GABRB3: variants seen among roughly 807,000 people sequenced by gnomAD.
GABRB3 encodes gamma-aminobutyric acid type A receptor subunit beta3, also known as gamma-aminobutyric acid receptor subunit beta-3.
Under a neutral mutation model 52.1 loss-of-function variants are expected in GABRB3, and 14 were observed. The observed-to-expected ratio is 0.27, with a 90% CI of 0.18 to 0.42. The LOEUF is 0.42. GABRB3 is among the 10% of genes least tolerant of loss of function. The probability of loss-of-function intolerance (pLI) is 1.00; values close to 1 mark genes in which losing one functional copy is unlikely to be tolerated. For missense variants in GABRB3, 307 were observed against 609.1 expected, an observed-to-expected ratio of 0.50 and a Z score of 5.22; for synonymous variants, 260 against 232.3, an observed-to-expected ratio of 1.12 and a Z score of -1.08.
intron 3 of GABRB3, among the ~76,000 whole-genome samples, chr15:26,682,131 T>C (rs534241881): frequency 6.6e-5 from 10 of 152,264 alleles, no homozygotes; most frequent in African/African-American, 2.2e-4. Flanking sequence ...CTGGTGCTAA[T>C]GTCTGACCGT....
intron 3 of GABRB3, among the ~76,000 whole-genome samples, chr15:26,674,687 T>C (rs1374749782): frequency 6.6e-6 from 1 of 152,110 alleles, no homozygotes; most frequent in East Asian, 1.9e-4. Context: ...CCACAAGGCC[T>C]CTCTGGGGAA....
chr15:26,576,418 C>A lies in GABRB3; in HGVS notation c.682+3901G>T, dbSNP rs543026686. On this transcript the variant is annotated intron_variant, in intron 6 of 8. Transcript: ENST00000311550. ...TTTTTACGCTCATGTATTAGTAGTG[C>A]AAATTAAATAAGAATTACATATCAA... Among the ~76,000 whole-genome samples, 4 of 151,956 alleles carry A rather than the reference C, an allele frequency of 2.6e-5. No individual in the cohort carries two copies. In the East Asian group the frequency reaches 7.8e-4, roughly 30 times the overall value.
At chr15:26,752,615 A>G (rs1487253334) in intron 3 of GABRB3, among the ~76,000 whole-genome samples, 1 of 152,250 alleles carries the variant, frequency 6.6e-6, no homozygotes, top group South Asian at 2.1e-4. Flanking sequence ...ATGAATAAAA[A>G]CTGTACATAT....
intron 3 of GABRB3, among the ~76,000 whole-genome samples, chr15:26,634,984 A>AAATATATATATATATATATATATATAT (rs1893011911): frequency 1.4e-4 from 1 of 7,186 alleles, no homozygotes; most frequent in African/African-American, 2.5e-4. Flanking sequence ...ATGTATCTCT[A>AAATATATATATATATATATATATATAT]AATATATATA....
At chr15:26,624,684 T>C (rs1388292735) in intron 3 of GABRB3, 5 of 984,314 alleles carry the variant, frequency 5.1e-6, no homozygotes, top group Non-Finnish European at 6.0e-6. Context: ...ACCCGCTGCA[T>C]GTGATCAGCC....
At chr15:26,716,330 C>T (rs962712118) in intron 3 of GABRB3, among the ~76,000 whole-genome samples, 1 of 152,224 alleles carries the variant, frequency 6.6e-6, no homozygotes, top group Non-Finnish European at 1.5e-5. Flanking sequence ...CCTGATGTAG[C>T]TGATGATGCT....
chr15:26,578,223 T>C (rs1890662333), intron 6 of GABRB3, among the ~76,000 whole-genome samples: 1 of 152,264 alleles, frequency 6.6e-6, no homozygotes, highest in African/African-American at 2.4e-5. Context: ...AAAATATCTT[T>C]AGAACACTGC....
chr15:26,577,998 G>C (rs2140724739), intron 6 of GABRB3, among the ~76,000 whole-genome samples: 1 of 152,204 alleles, frequency 6.6e-6, no homozygotes, highest in South Asian at 2.1e-4. Flanking sequence ...TGTTTCACAG[G>C]CTGGGCAGGA....
At chr15:26,725,196 G>C (rs1158446821) in intron 3 of GABRB3, among the ~76,000 whole-genome samples, 1 of 152,108 alleles carries the variant, frequency 6.6e-6, no homozygotes, top group Non-Finnish European at 1.5e-5. Flanking sequence ...TACACACAAA[G>C]GTCTGGATTT....
At chr15:26,735,790 A>C (rs991735895) in intron 3 of GABRB3, among the ~76,000 whole-genome samples, 1 of 146,448 alleles carries the variant, frequency 6.8e-6, no homozygotes, top group East Asian at 2.2e-4. Flanking sequence ...TTCCACAAAA[A>C]AGTAAAAATA....
At chr15:26,629,992 A>G (rs1029039203) in intron 3 of GABRB3, among the ~76,000 whole-genome samples, 4 of 152,042 alleles carry the variant, frequency 2.6e-5, no homozygotes, top group African/African-American at 9.7e-5. Flanking sequence ...AGAAGGCTGT[A>G]GGTAAAGGCA....
chr15:26,698,434 CAG>C (rs1888814953), intron 3 of GABRB3, among the ~76,000 whole-genome samples: 1 of 152,122 alleles, frequency 6.6e-6, no homozygotes, highest in Non-Finnish European at 1.5e-5. Flanking sequence ...TGACCACACT[CAG>C]GGAATCACAA....
chr15:26,741,045 A>AGTGTGTGTGT (rs55860555), intron 3 of GABRB3, among the ~76,000 whole-genome samples: 1,370 of 55,272 alleles, frequency 0.025, 12 homozygotes, highest in African/African-American at 0.031. Context: ...GGGAGGAATA[A>AGTGTGTGTGT]GTGTGTGTGT....
At chr15:26,753,988 T>C (rs886417251) in intron 3 of GABRB3, among the ~76,000 whole-genome samples, 1 of 152,184 alleles carries the variant, frequency 6.6e-6, no homozygotes, top group Non-Finnish European at 1.5e-5. Context: ...GATAAAATAA[T>C]AAATGTATTT....
intron 3 of GABRB3, among the ~76,000 whole-genome samples, chr15:26,720,103 T>C (rs1300841619): frequency 6.6e-6 from 1 of 152,130 alleles, no homozygotes; most frequent in Non-Finnish European, 1.5e-5. Flanking sequence ...TGGCTCAACC[T>C]GGCTCAAAAA....
At chr15:26,716,601 C>A (rs1055946513) in intron 3 of GABRB3, 1 of 990,854 alleles carries the variant, frequency 1.0e-6, no homozygotes, top group Non-Finnish European at 1.2e-6. Flanking sequence ...ACTTGTGAAT[C>A]CCACTTACTT....
At chr15:26,735,608 C>T (rs1890044335) in intron 3 of GABRB3, among the ~76,000 whole-genome samples, 1 of 152,126 alleles carries the variant, frequency 6.6e-6, no homozygotes, top group Non-Finnish European at 1.5e-5. Context: ...GAAATTCTGG[C>T]ACAAGCTACA....
chr15:26,722,155 G>T (rs1383686197), intron 3 of GABRB3, among the ~76,000 whole-genome samples: 1 of 152,042 alleles, frequency 6.6e-6, no homozygotes, highest in Non-Finnish European at 1.5e-5. Flanking sequence ...GCCCCATCTA[G>T]GTCCTCAACA....
rs769695299 is a variant in GABRB3, at chr15:26,772,858, C to G, written c.80+25G>C. 1.4e-5 allele frequency: 20 copies of G among 1,450,508 alleles called. 1 individual carries two copies. Among genetic ancestry groups the G allele is most frequent in the Non-Finnish European group, 1.5e-5 (17 of 1,097,646 alleles). 89.9% of individuals were successfully genotyped at this position (1,450,508 alleles called of 1,614,324 possible). On this transcript the variant is annotated intron_variant, in intron 1 of 8. Coordinates refer to ENST00000311550, the MANE Select transcript of GABRB3 (RefSeq NM_000814.6). ...CGCGCACCCCGCGCCCTGCCCGCCG[C>G]CCGCCGGCCCACCCGCGACCCTACC...
Sources: gnomAD v4.1 joint callset for allele counts (sites outside exome capture counted in the v4.1 genomes callset) on GRCh38, gnomAD v4.1.1 for gene constraint, MANE v1.5 for transcripts, NCBI Gene and HGNC (gene_info 2026-07-23, HGNC 2026-07-21) for gene names.